Variants in RECQL4 observed in about 807,000 individuals in gnomAD.
RECQL4 encodes RecQ like helicase 4.
In RECQL4, 158 loss-of-function variants were observed where a neutral mutation model predicts 128.6. That is an observed-to-expected ratio of 1.23 (90% CI 1.08 to 1.40). The LOEUF is 1.40. Ranked by LOEUF, RECQL4 falls within the 40% of genes most tolerant of loss-of-function variation. The pLI, the probability that RECQL4 is intolerant of heterozygous loss-of-function variation, is 0.00. For synonymous variants in RECQL4, 996 were observed against 678.9 expected (o/e 1.47, Z -7.26); for missense variants, 2,293 against 1,649.8 (o/e 1.39, Z -6.75).
chr8:144,514,215 G>T lies in RECQL4; in HGVS notation c.1852C>A (p.Arg618=). The T allele has an allele frequency of 6.2e-7, 1 of 1,612,300 alleles. No individual in the cohort carries two copies. The highest frequency in any genetic ancestry group is 1.1e-5 in the South Asian group (1 of 91,084). The part of the protein sequence containing the change: ...HCLSQWSHNF[R]PCYLRVCKVL... ...TTGCAGACGCGCAGGTAGCAGGGCCGGAAGTTGTGGGACCACTGGGAGAGG... is the reference window on the plus strand; with the variant it reads ...TTGCAGACGCGCAGGTAGCAGGGCCTGAAGTTGTGGGACCACTGGGAGAGG... Residue 618 remains arginine, a synonymous_variant, in exon 11 of 21, where the codon CGG becomes AGG. Coordinates refer to ENST00000617875, the MANE Select transcript of RECQL4 (RefSeq NM_004260.4).
chr8:144,512,567 C>G lies in RECQL4; in HGVS notation c.2886-6G>C, dbSNP rs752697206. On this transcript the variant is annotated splice_region_variant and splice_polypyrimidine_tract_variant and intron_variant, in intron 16 of 20. Coordinates refer to ENST00000617875, the MANE Select transcript of RECQL4 (RefSeq NM_004260.4). ...ACACAGCCAAAGGGGGACACCTGTG[C>G]CCAGGGAAAAAGGGACATGTGGCCA... 1.2e-6 allele frequency: 2 copies of G among 1,612,440 alleles called. No homozygotes were observed. Among genetic ancestry groups the G allele is most frequent in the Admixed American group, 1.7e-5 (1 of 60,012 alleles).
rs1023524924 is a variant in RECQL4 at position 144,513,712 on chromosome 8, C to T, written c.2059G>A (p.Ala687Thr). The change falls in exon 13 of 21, where the codon GCA becomes ACA. Residue 687 changes from alanine to threonine, a missense_variant and splice_region_variant. Physicochemically the swap from Ala to Thr is moderately conservative, Grantham distance 58. Transcript: ENST00000617875. ...TTGCCTTGCAGCAGCGTCAACAGTG[C>T]CTGATGAGGAGCGGTTGGCGTGGGC... ...SVSMDRDTDQ[A>T]LLTLLQGKRF... The T allele has an allele frequency of 6.5e-6, 10 of 1,534,708 alleles. No individual in the cohort carries two copies. Among genetic ancestry groups the T allele is most frequent in the African/African-American group, 4.4e-5 (3 of 68,836 alleles).
intron 6 of RECQL4, 144 bp downstream of exon 6, chr8:144,515,620 C>T: frequency 1.4e-6 from 2 of 1,439,016 alleles, no homozygotes; most frequent in South Asian, 1.3e-5. Flanking sequence ...TCGTCCCTGC[C>T]ACCCTCCTTC....
rs758124770 is a variant in RECQL4 at position 144,516,641 on chromosome 8, G to T, written c.478C>A (p.Pro160Thr). The T allele has an allele frequency of 5.6e-6, 9 of 1,608,104 alleles. No homozygotes were observed. The highest frequency in any genetic ancestry group is 7.6e-6 in the Non-Finnish European group (9 of 1,177,534). The change falls in exon 5 of 21, where the codon CCA (proline) becomes ACA (threonine). Residue 160 changes from proline to threonine, a missense_variant. Physicochemically the swap from Pro to Thr is conservative, Grantham distance 38. Transcript: ENST00000617875. ...CTTGGCTGGGGCTCAGGGAGCTGTG[G>T]AGGCTCATCACTGACTTTTTCTGCA... ...SFAEKVSDEP[P>T]QLPEPQPRPG... is the part of the protein sequence containing the mutation.
chr8:144,513,597 T>G lies in RECQL4; in HGVS notation c.2174A>C (p.His725Pro). 6.2e-7 allele frequency: 1 copy of G among 1,609,120 alleles called. No individual in the cohort carries two copies. Among genetic ancestry groups the G allele is most frequent in the Non-Finnish European group, 8.5e-7 (1 of 1,178,402 alleles). ...RIAALLRTCL[H>P]AAWVPGSGGR... ...TCCAGACCCTGGGACCCAGGCTGCG[T>G]GCAGGCAGGTTCGGAGGAGCGCAGC... Residue 725 changes from histidine to proline, a missense_variant, in exon 13 of 21, where the codon CAC becomes CCC. Coordinates refer to ENST00000617875, the MANE Select transcript of RECQL4 (RefSeq NM_004260.4).
In RECQL4 at chr8:144,511,933, C is replaced by A. The variant is rs1192364504; in HGVS notation, c.3371G>T (p.Gly1124Val). Reference sequence around the variant, plus strand: ...CACTCTGGCCTGCCCTGGCTCGGGGCCCTGTGCGTCCTCCATGCCTCCCGG... The same window carrying A: ...CACTCTGGCCTGCCCTGGCTCGGGGACCTGTGCGTCCTCCATGCCTCCCGG... ...QEPGGMEDAQ[G>V]PEPGQARLQD... Residue 1124 changes from glycine to valine, a missense_variant, in exon 19 of 21, where the codon GGC (glycine) becomes GTC (valine). Coordinates refer to ENST00000617875, the MANE Select transcript of RECQL4 (RefSeq NM_004260.4). 6.2e-7 allele frequency: 1 copy of A among 1,611,078 alleles called. No homozygotes were observed.
chr8:144,517,238 C>T (rs1347480423), intron 3 of RECQL4, 48 bp from the exon 4 acceptor site: 1 of 1,542,514 alleles, frequency 6.5e-7, no homozygotes, highest in Non-Finnish European at 8.7e-7. Flanking sequence ...GTTGTGGCGG[C>T]AGAAGCGCTC....
At position 144,514,007 on chromosome 8, in the gene RECQL4, T is replaced by A; in HGVS notation, c.1979A>T (p.Glu660Val). ...SDVAQHLAVA[E>V]EPDLHGPAPV... ...GGCTGGCCCGTGGAGGTCAGGCTCT[T>A]CAGCCACAGCCAGGTGCTGTGCCAC... Residue 660 changes from glutamate to valine, a missense_variant, in exon 12 of 21, where the codon GAA becomes GTA. Coordinates refer to ENST00000617875, the MANE Select transcript of RECQL4 (RefSeq NM_004260.4). 1 of 1,569,922 alleles carries A rather than the reference T, an allele frequency of 6.4e-7. No homozygotes were observed. The highest frequency in any genetic ancestry group is 8.6e-7 in the Non-Finnish European group (1 of 1,158,424).
In RECQL4 at chr8:144,512,433, C is replaced by T. The variant is rs4251691; in HGVS notation, c.3014G>A (p.Arg1005Gln). 0.45 allele frequency: 727,009 copies of T among 1,608,656 alleles called. 170,115 individuals are homozygous for T. The highest frequency in any genetic ancestry group is 0.56 in the South Asian group (51,121 of 90,964). ...SMGWELASVR[R>Q]ALCQLQWDHE... Reference sequence around the variant, plus strand: ...GTCCCACTGCAGCTGGCAGAGAGCCCGCCGCACAGAGGCCAGCTCCCAGCC... The same window carrying T: ...GTCCCACTGCAGCTGGCAGAGAGCCTGCCGCACAGAGGCCAGCTCCCAGCC... The change falls in exon 17 of 21, where the codon CGG becomes CAG. Residue 1005 changes from arginine to glutamine, a missense_variant. By Grantham distance (43) the Arg-to-Gln change is conservative. Coordinates refer to ENST00000617875, the MANE Select transcript of RECQL4 (RefSeq NM_004260.4).
At chr8:144,512,591 C>T (rs1564791235) in intron 16 of RECQL4, 30 bp from the exon 17 acceptor site, 2 of 1,612,092 alleles carry the variant, frequency 1.2e-6, no homozygotes, top group Non-Finnish European at 1.7e-6. Context: ...GACATGTGGC[C>T]AACAGCCCTG....
chr8:144,511,857 T>G (rs1257305568), intron 19 of RECQL4, 54 bp downstream of exon 19: 1 of 1,610,600 alleles, frequency 6.2e-7, no homozygotes, highest in East Asian at 2.2e-5. Context: ...GCAAGCCCCA[T>G]GCAGCCCAGG....
chr8:144,512,218 G>T lies in RECQL4; in HGVS notation c.3162C>A (p.Phe1054Leu), dbSNP rs373372297. ...TAEEKDQICD[F>L]LYGRVQARER... is the part of the protein sequence containing the mutation. ...CCCGGGCCTGCACACGGCCATAGAGGAAGTCACATATCTGGTCCTTCTCCT... is the reference window on the plus strand; with the variant it reads ...CCCGGGCCTGCACACGGCCATAGAGTAAGTCACATATCTGGTCCTTCTCCT... Residue 1054 changes from phenylalanine to leucine, a missense_variant, in exon 18 of 21, where the codon TTC (phenylalanine) becomes TTA (leucine). Coordinates refer to ENST00000617875, the MANE Select transcript of RECQL4 (RefSeq NM_004260.4). The T allele has an allele frequency of 6.2e-7, 1 of 1,612,330 alleles. No individual in the cohort carries two copies. The highest frequency in any genetic ancestry group is 1.7e-5 in the Admixed American group (1 of 60,014).
chr8:144,517,802 G>C lies in RECQL4; in HGVS notation c.-18C>G. 2 of 1,208,226 alleles carry C rather than the reference G, an allele frequency of 1.7e-6. No homozygotes were observed. Among genetic ancestry groups the C allele is most frequent in the Non-Finnish European group, 1.0e-6 (1 of 968,818 alleles). The allele number at this position is 1,208,226 out of a possible 1,614,324, so 74.8% of individuals were successfully genotyped here. A position where few individuals can be genotyped will look rare whatever the true frequency, so the allele number is the denominator to read the frequency against. ...CGCTCCATGGCGCGCGCGCCCGCCC[G>C]GCCTCCGCGCTTGCGATCGTCCAGC... On this transcript the variant is annotated 5_prime_UTR_variant, in exon 1 of 21. Coordinates refer to ENST00000617875, the MANE Select transcript of RECQL4 (RefSeq NM_004260.4).
At position 144,511,919 on chromosome 8, in the gene RECQL4, G is replaced by A. The variant is rs1471195771; in HGVS notation, c.3385C>T (p.Gln1129Ter). The change falls in exon 19 of 21, where the codon CAG (glutamine) becomes TAG (stop). Residue 1129 changes from glutamine to a stop codon, truncating the protein, a stop_gained. Coordinates refer to ENST00000617875, the MANE Select transcript of RECQL4 (RefSeq NM_004260.4). LOFTEE classifies it high-confidence loss of function. ...GGCCTTACTGCACTCACTCTGGCCT[G>A]CCCTGGCTCGGGGCCCTGTGCGTCC... Reference protein sequence around the residue: ...MEDAQGPEPGQARLQDWEDQV... With the variant: ...MEDAQGPEPG 6.2e-7 allele frequency: 1 copy of A among 1,610,802 alleles called. No homozygotes were observed. The highest frequency in any genetic ancestry group is 2.2e-5 in the East Asian group (1 of 44,880).
rs1564790741 is a variant in RECQL4, at chr8:144,512,473, G to C, written c.2974C>G (p.Leu992Val). 6.2e-7 allele frequency: 1 copy of C among 1,612,338 alleles called. No homozygotes were observed. The change falls in exon 17 of 21, where the codon CTG (leucine) becomes GTG (valine). Residue 992 changes from leucine (L) to valine (V), a missense_variant. Leu to Val is a conservative substitution (Grantham distance 32). Transcript: ENST00000617875. ...SSSVEFDMVKLVDSMGWELAS... is the reference protein window; with the variant it reads ...SSSVEFDMVKVVDSMGWELAS... ...AGCTCCCAGCCCATGGAGTCCACCA[G>C]CTTGACCATGTCAAACTCCACGGAG...
chr8:144,516,849 C>A, intron 4 of RECQL4, 85 bp from the exon 5 acceptor site: 1 of 1,413,658 alleles, frequency 7.1e-7, no homozygotes, highest in Non-Finnish European at 9.5e-7. Flanking sequence ...TCCCCACGCT[C>A]AATTGTAGAG....
rs2130673898 is a variant in RECQL4, at chr8:144,513,121, CTCTCGCAGG to C, written c.2472_2480del (p.Asp824_Arg826del). On this transcript the variant is annotated inframe_deletion, in exon 15 of 21. Transcript: ENST00000617875. The stretch of plus-strand genomic sequence containing the variant: ...TGTCGGCGTGCACATGTCTGCGCAG[CTCTCGCAGG>C]TCTTCGCCCTGCAGGGCAACTTTCA... 6.4e-7 allele frequency: 1 copy of C among 1,565,556 alleles called. No individual in the cohort carries two copies. The highest frequency in any genetic ancestry group is 8.7e-7 in the Non-Finnish European group (1 of 1,153,946).
Position 144,514,246 on chromosome 8 carries a change from G to C in RECQL4, c.1821C>G (p.Ala607=), listed in dbSNP as rs369178106. 2 of 1,612,276 alleles carry C rather than the reference G, an allele frequency of 1.2e-6. No homozygotes were observed. Among genetic ancestry groups the C allele is most frequent in the East Asian group, 2.2e-5 (1 of 44,860 alleles). The change falls in exon 11 of 21, where the codon GCC becomes GCG. Residue 607 remains alanine, a synonymous_variant. Coordinates refer to ENST00000617875, the MANE Select transcript of RECQL4 (RefSeq NM_004260.4). ...TGTGGGACCACTGGGAGAGGCAGTG[G>C]GCCTCATCAATGCAGGCAAAAGCAA... ...PPVAFACIDE[A]HCLSQWSHNF...
Position 144,517,592 on chromosome 8 carries a change from G to A in RECQL4, c.118+10C>T. 2 of 1,480,670 alleles carry A rather than the reference G, an allele frequency of 1.4e-6. No individual in the cohort carries two copies. Among genetic ancestry groups the A allele is most frequent in the Non-Finnish European group, 1.8e-6 (2 of 1,124,340 alleles). 91.7% of individuals were successfully genotyped at this position (1,480,670 alleles called of 1,614,324 possible). A position where few individuals can be genotyped will look rare whatever the true frequency, so the allele number is the denominator to read the frequency against. Reference sequence around the variant, plus strand: ...GTCTTCTCGCCCCCGCCGCCCCGCCGCGCGCTCACCGCGGGTCTCCTCCGG... The same window carrying A: ...GTCTTCTCGCCCCCGCCGCCCCGCCACGCGCTCACCGCGGGTCTCCTCCGG... On this transcript the variant is annotated intron_variant, in intron 2 of 20. Transcript: ENST00000617875.
Sources: allele counts gnomAD v4.1 joint callset, GRCh38; gene constraint gnomAD v4.1.1; transcripts MANE v1.5; gene names NCBI Gene and HGNC (gene_info 2026-07-23, HGNC 2026-07-21).